Variants in VNN1 observed in about 807,000 individuals in gnomAD.
VNN1 encodes vanin 1.
In VNN1, 29 loss-of-function variants were observed where a neutral mutation model predicts 41.9. That is an observed-to-expected ratio of 0.69 (90% CI 0.52 to 0.94). VNN1 has a LOEUF of 0.94. VNN1 is among the 40% of genes least tolerant of loss of function. The pLI is 0.00. For missense variants in VNN1, 637 were observed against 621.1 expected (o/e 1.03, Z -0.27); for synonymous variants, 233 against 224.4 (o/e 1.04, Z -0.34).
At chr6:132,697,886 T>C (rs1778395012) in intron 2 of VNN1, among the ~76,000 whole-genome samples, 1 of 152,244 alleles carries the variant, frequency 6.6e-6, no homozygotes, top group Admixed American at 6.5e-5. Context: ...ATTGAACCAC[T>C]TGAAACATGT....
In VNN1 at chr6:132,693,279, G is replaced by A; in HGVS notation, c.571C>T (p.Pro191Ser). Reference protein sequence around the residue: ...LFMGENQFNVPKEPEIVTFNT... With the variant: ...LFMGENQFNVSKEPEIVTFNT... The stretch of plus-strand genomic sequence containing the variant: ...AAAGTCACAATCTCAGGCTCCTTGG[G>A]TACATTGAATTGATTTTCACCCATG... The change falls in exon 4 of 7, where the codon CCC becomes TCC. Residue 191 changes from proline to serine, a missense_variant. By Grantham distance (74) the Pro-to-Ser change is moderately conservative (BLOSUM62 -1). Transcript: ENST00000367928. The A allele has an allele frequency of 2.5e-6, 4 of 1,611,976 alleles. No homozygotes were observed. Among genetic ancestry groups the A allele is most frequent in the Non-Finnish European group, 2.5e-6 (3 of 1,179,322 alleles).
intron 2 of VNN1, among the ~76,000 whole-genome samples, chr6:132,709,330 G>A (rs867770232): frequency 6.6e-6 from 1 of 152,072 alleles, no homozygotes; most frequent in East Asian, 1.9e-4. Flanking sequence ...TCATTGCCCA[G>A]AACAATGTTT....
rs141622053 is a variant in VNN1 at position 132,693,283 on chromosome 6, A to G, written c.567T>C (p.Asn189=). 140 of 1,609,902 alleles carry G rather than the reference A, an allele frequency of 8.7e-5. 1 individual carries two copies. The African/African-American group carries it at 1.8e-3, about 21-fold the overall frequency. The change falls in exon 4 of 7, where the codon AAT becomes AAC. Residue 189 remains asparagine (N), a synonymous_variant. Coordinates refer to ENST00000367928, the MANE Select transcript of VNN1 (RefSeq NM_004666.3). Reference sequence around the variant, plus strand: ...TCACAATCTCAGGCTCCTTGGGTACATTGAATTGATTTTCACCCATGAAAA... The same window carrying G: ...TCACAATCTCAGGCTCCTTGGGTACGTTGAATTGATTTTCACCCATGAAAA... The part of the protein sequence containing the change: ...QNLFMGENQF[N]VPKEPEIVTF...
intron 2 of VNN1, among the ~76,000 whole-genome samples, chr6:132,710,206 C>T (rs955734103): frequency 1.3e-5 from 2 of 151,940 alleles, no homozygotes; most frequent in African/African-American, 4.8e-5. Context: ...CCCACCACCA[C>T]GCCCCACTAA....
chr6:132,710,113 C>A (rs7742200), intron 2 of VNN1, among the ~76,000 whole-genome samples: 76,794 of 151,840 alleles, frequency 0.51, 22,370 homozygotes, highest in African/African-American at 0.8. Flanking sequence ...CAGTGTCACT[C>A]TCTTGGCTCA....
chr6:132,708,217 T>C (rs141214609), intron 2 of VNN1, among the ~76,000 whole-genome samples: 28 of 152,322 alleles, frequency 1.8e-4, no homozygotes, highest in African/African-American at 6.3e-4. Flanking sequence ...CTGAACAAAA[T>C]TGTACTTCTC....
chr6:132,692,706 A>T, intron 4 of VNN1, 122 bp from the exon 5 acceptor site: 5 of 1,310,256 alleles, frequency 3.8e-6, no homozygotes, highest in Non-Finnish European at 5.0e-6. Flanking sequence ...TGTTTTATTA[A>T]TTTCAGTAAA....
intron 1 of VNN1, 89 bp downstream of exon 1, chr6:132,713,737 T>C (rs2114381927): frequency 7.2e-7 from 1 of 1,386,752 alleles, no homozygotes; most frequent in Non-Finnish European, 9.9e-7. Context: ...CATCTAAAAG[T>C]GTAACTGACC....
rs1402180823 is a variant in VNN1, at chr6:132,682,475, T to C, written c.*665A>G. The C allele has an allele frequency of 6.6e-6, 1 of 152,608 alleles. No individual in the cohort carries two copies. Among genetic ancestry groups the C allele is most frequent in the African/African-American group, 2.4e-5 (1 of 41,484 alleles). The allele number at this position is 152,608 out of a possible 1,614,324, so 9.5% of individuals were successfully genotyped here. On this transcript the variant is annotated 3_prime_UTR_variant, in exon 7 of 7. Transcript: ENST00000367928. ...TGGTTTCTTCTGAGGCCCTCTCTTCTTAGCTTGTAAAGAGTTGTCCTTCCT... is the reference window on the plus strand; with the variant it reads ...TGGTTTCTTCTGAGGCCCTCTCTTCCTAGCTTGTAAAGAGTTGTCCTTCCT...
At chr6:132,691,135 A>G (rs1778278591) in intron 5 of VNN1, among the ~76,000 whole-genome samples, 1 of 152,244 alleles carries the variant, frequency 6.6e-6, no homozygotes, top group African/African-American at 2.4e-5. Flanking sequence ...GAGGATAGAG[A>G]ATAGGAAGGG....
At chr6:132,713,300 C>A (rs1778629971) in intron 1 of VNN1, among the ~76,000 whole-genome samples, 1 of 152,186 alleles carries the variant, frequency 6.6e-6, no homozygotes, top group Non-Finnish European at 1.5e-5. Flanking sequence ...CAAACTGAAA[C>A]CTTCACTAAA....
chr6:132,688,326 G>T (rs1053836724), intron 5 of VNN1, among the ~76,000 whole-genome samples: 1 of 152,110 alleles, frequency 6.6e-6, no homozygotes, highest in African/African-American at 2.4e-5. Flanking sequence ...CCCAGACTCT[G>T]CTGGTAATAT....
chr6:132,684,293 C>T (rs1215678748), intron 6 of VNN1, 42 bp downstream of exon 6: 5 of 1,567,174 alleles, frequency 3.2e-6, no homozygotes, highest in Non-Finnish European at 4.3e-6. Context: ...AAAAGTGCTT[C>T]CTCTTACATG....
At chr6:132,688,979 C>T (rs1028946747) in intron 5 of VNN1, among the ~76,000 whole-genome samples, 1 of 152,142 alleles carries the variant, frequency 6.6e-6, no homozygotes, top group African/African-American at 2.4e-5. Flanking sequence ...ACCTCTATCT[C>T]CCAGGATCAA....
intron 5 of VNN1, among the ~76,000 whole-genome samples, chr6:132,689,683 T>C (rs1211482746): frequency 6.6e-6 from 1 of 152,222 alleles, no homozygotes; most frequent in Non-Finnish European, 1.5e-5. Flanking sequence ...CAATAGTTCT[T>C]TACTGTCAGT....
chr6:132,713,822 G>A lies in VNN1; in HGVS notation c.210+4C>T. ...GTACACTGGAGAGATGGTAGAGATG[G>A]TACCTGATCTGCTGCTGATGTGATC... On this transcript the variant is annotated splice_donor_region_variant and intron_variant, in intron 1 of 6. Transcript: ENST00000367928. 6.2e-7 allele frequency: 1 copy of A among 1,612,308 alleles called. No homozygotes were observed. The highest frequency in any genetic ancestry group is 2.2e-5 in the East Asian group (1 of 44,898).
intron 5 of VNN1, among the ~76,000 whole-genome samples, chr6:132,685,664 A>G (rs867092644): frequency 3.3e-5 from 5 of 152,328 alleles, no homozygotes; most frequent in African/African-American, 1.2e-4. Flanking sequence ...CCCTATCTAC[A>G]CTGCAAAGCA....
chr6:132,713,784 C>T, intron 1 of VNN1, 42 bp downstream of exon 1: 1 of 1,598,848 alleles, frequency 6.3e-7, no homozygotes, highest in African/African-American at 1.3e-5. Context: ...CCCCTCCTTT[C>T]TCATAGAATC....
At chr6:132,712,867 G>A (rs1293203553) in intron 1 of VNN1, among the ~76,000 whole-genome samples, 1 of 152,198 alleles carries the variant, frequency 6.6e-6, no homozygotes, top group Non-Finnish European at 1.5e-5. Context: ...AGTCACGGTA[G>A]CTCATGCCTG....
Sources: allele counts gnomAD v4.1 joint callset (sites outside exome capture counted in the v4.1 genomes callset), GRCh38; gene constraint gnomAD v4.1.1; transcripts MANE v1.5; gene names NCBI Gene and HGNC (gene_info 2026-07-23, HGNC 2026-07-21).